COL4A6: variants seen among roughly 807,000 people sequenced by gnomAD.
COL4A6 encodes the protein collagen alpha-6(IV) chain.
A neutral mutation model predicts 126.7 loss-of-function variants in COL4A6; 59 were observed. The ratio of observed to expected loss-of-function variants is 0.47; its 90% CI spans 0.38 to 0.58. The LOEUF (loss-of-function observed/expected upper bound fraction) is 0.58. Ranked by LOEUF, COL4A6 falls within the 20% of genes least tolerant of loss-of-function variation. COL4A6 has a pLI of 0.00. For missense variants in COL4A6, 1,285 were observed against 1,337.3 expected (o/e 0.96, Z 0.61); for synonymous variants, 547 against 496.6 (o/e 1.10, Z -1.35).
chrX:108,339,808 G>A (rs764602026), intron 2 of COL4A6, among the ~76,000 whole-genome samples: 14 of 111,020 alleles, frequency 1.3e-4, no homozygotes, highest in South Asian at 3.8e-4. Context: ...CTCATAACTC[G>A]TTTTCCCCTC....
chrX:108,362,759 A>G (rs2040116189), intron 2 of COL4A6, among the ~76,000 whole-genome samples: 1 of 111,566 alleles, frequency 9.0e-6, no homozygotes, highest in Admixed American at 9.5e-5. Context: ...AACACGGTAA[A>G]TCCCTTTTCC....
At chrX:108,257,879 A>G (rs2037047975) in intron 3 of COL4A6, among the ~76,000 whole-genome samples, 3 of 111,811 alleles carry the variant, frequency 2.7e-5, no homozygotes, top group Non-Finnish European at 5.7e-5. Context: ...CGCGTGGGTA[A>G]TGAGGTAAAG....
chrX:108,299,422 G>A (rs1025170426), intron 3 of COL4A6, among the ~76,000 whole-genome samples: 1 of 110,504 alleles, frequency 9.0e-6, no homozygotes, highest in Non-Finnish European at 1.9e-5. Flanking sequence ...TCTCTCTGGG[G>A]AAACCTGGCT....
chrX:108,381,292 A>G (rs1359216523), intron 2 of COL4A6, among the ~76,000 whole-genome samples: 3 of 111,600 alleles, frequency 2.7e-5, no homozygotes. Flanking sequence ...AGAGCTTATG[A>G]TCTGTCTAAA....
Position 108,275,083 on chromosome X carries a change from G to T in COL4A6, c.144+35665C>A, listed in dbSNP as rs1433616639. Among the ~76,000 whole-genome samples the T allele has an allele frequency of 2.7e-5, 3 of 110,742 alleles. No homozygotes were observed. In the East Asian group the frequency reaches 8.5e-4, roughly 31 times the overall value. On this transcript the variant is annotated intron_variant, in intron 3 of 44. Transcript: ENST00000334504. ...AGAAATCTAGGGGTATATACATTAG[G>T]ATGTTAACACTAATCATCCCTGCTT...
intron 2 of COL4A6, among the ~76,000 whole-genome samples, chrX:108,431,970 G>A (rs1229420044): frequency 8.9e-6 from 1 of 112,506 alleles, no homozygotes; most frequent in Non-Finnish European, 1.9e-5. Context: ...AACCTCCTCA[G>A]TGAATGAAGA....
chrX:108,157,801 T>C (rs2033788883), intron 44 of COL4A6, among the ~76,000 whole-genome samples: 2 of 111,823 alleles, frequency 1.8e-5, no homozygotes, highest in Admixed American at 1.9e-4. Flanking sequence ...GAGGGCTCTC[T>C]CAGTATTCAG....
chrX:108,370,035 G>A (rs774997612), intron 2 of COL4A6, among the ~76,000 whole-genome samples: 29 of 111,966 alleles, frequency 2.6e-4, no homozygotes, highest in Non-Finnish European at 5.3e-4. Flanking sequence ...TAACATTGTT[G>A]AAGATCACAC....
At chrX:108,358,412 G>A (rs1183956536) in intron 2 of COL4A6, among the ~76,000 whole-genome samples, 4 of 99,031 alleles carry the variant, frequency 4.0e-5, no homozygotes, top group Non-Finnish European at 4.0e-5. Flanking sequence ...TTTTTTTTGA[G>A]ACAGAGTCTC....
chrX:108,161,892 C>T (rs749031590), intron 41 of COL4A6, among the ~76,000 whole-genome samples, 157 bp from the exon 42 acceptor site: 18 of 112,640 alleles, frequency 1.6e-4, no homozygotes, highest in African/African-American at 5.8e-4. Context: ...AGGCTGCAGC[C>T]GCCTGGGCTA....
chrX:108,202,536 C>A (rs1056564335), intron 13 of COL4A6, among the ~76,000 whole-genome samples: 1 of 111,731 alleles, frequency 9.0e-6, no homozygotes, highest in Non-Finnish European at 1.9e-5. Context: ...ATGTAGTAAG[C>A]CCTTTTCATG....
At chrX:108,320,050 G>C (rs1002166544) in intron 2 of COL4A6, among the ~76,000 whole-genome samples, 1 of 111,820 alleles carries the variant, frequency 8.9e-6, no homozygotes, top group Non-Finnish European at 1.9e-5. Context: ...AGGTAGGGTA[G>C]TTGATGTGGT....
chrX:108,269,110 G>T (rs758085798), intron 3 of COL4A6: 4 of 338,247 alleles, frequency 1.2e-5, no homozygotes, highest in African/African-American at 7.9e-5. Flanking sequence ...TCACTGAAAT[G>T]GTAGAGCCGG....
chrX:108,435,779 A>G (rs985442574), intron 2 of COL4A6, among the ~76,000 whole-genome samples: 2 of 112,289 alleles, frequency 1.8e-5, no homozygotes, highest in African/African-American at 6.5e-5. Context: ...ATGCTTGCCA[A>G]TATTATTGGC....
At chrX:108,258,554 C>T (rs2037069941) in intron 3 of COL4A6, among the ~76,000 whole-genome samples, 1 of 111,689 alleles carries the variant, frequency 9.0e-6, no homozygotes, top group African/African-American at 3.3e-5. Context: ...TAAGACACAA[C>T]AAATAGTTAA....
rs1569328551 is a variant in COL4A6, at chrX:108,171,371, A to G, written c.3277+16T>C. ...GAGTCTGTGAGGCAAACAAGACAAA[A>G]ATATAGCAACCTTACCTTTAAAACC... On this transcript the variant is annotated intron_variant, in intron 33 of 44. Transcript: ENST00000334504. 8.3e-7 allele frequency: 1 copy of G among 1,203,396 alleles called. No homozygotes were observed. Among genetic ancestry groups the G allele is most frequent in the East Asian group, 3.0e-5 (1 of 33,786 alleles).
intron 2 of COL4A6, chrX:108,383,839 G>C: frequency 4.1e-6 from 2 of 491,268 alleles, no homozygotes; most frequent in Non-Finnish European, 7.3e-6. Flanking sequence ...CCTCAAACCA[G>C]ATGCAAGTCA....
Position 108,171,382 on chromosome X carries a change from C to A in COL4A6, c.3277+5G>T. ...GCAAACAAGACAAAAATATAGCAAC[C>A]TTACCTTTAAAACCAGATTCGCCAG... On this transcript the variant is annotated splice_donor_5th_base_variant and intron_variant, in intron 33 of 44. Transcript: ENST00000334504. The A allele has an allele frequency of 8.3e-7, 1 of 1,207,289 alleles. No individual in the cohort carries two copies. Among genetic ancestry groups the A allele is most frequent in the Non-Finnish European group, 1.1e-6 (1 of 892,651 alleles).
chrX:108,216,677 G>C (rs1240894548), intron 5 of COL4A6, among the ~76,000 whole-genome samples: 1 of 112,547 alleles, frequency 8.9e-6, no homozygotes, highest in Admixed American at 9.3e-5. Context: ...AGCTCTTTGA[G>C]GGGGGAAACC....
Sources: allele counts gnomAD v4.1 joint callset (sites outside exome capture counted in the v4.1 genomes callset), GRCh38; gene constraint gnomAD v4.1.1; transcripts MANE v1.5; gene names NCBI Gene and HGNC (gene_info 2026-07-23, HGNC 2026-07-21).